Variants in KCNIP4 observed in about 807,000 individuals in gnomAD.
The protein encoded by KCNIP4 is Kv channel-interacting protein 4.
A neutral mutation model predicts 34.0 loss-of-function variants in KCNIP4; 12 were observed. That is an observed-to-expected ratio of 0.35 (90% CI 0.23 to 0.57). The LOEUF is 0.57. Among genes scored for constraint, KCNIP4 ranks in the 20% least tolerant of loss-of-function variants. The pLI is 0.83. For missense variants in KCNIP4, 238 were observed against 311.7 expected (o/e 0.76, Z 1.78); for synonymous variants, 124 against 102.2 (o/e 1.21, Z -1.29).
chr4:21,748,134 T>G (rs1416121726), intron 1 of KCNIP4, among the ~76,000 whole-genome samples: 1 of 152,168 alleles, frequency 6.6e-6, no homozygotes. Flanking sequence ...GATGATTTGT[T>G]ATGACAGCCC....
intron 1 of KCNIP4, among the ~76,000 whole-genome samples, chr4:21,742,059 AAAAC>A (rs1716444136): frequency 6.6e-6 from 1 of 152,098 alleles, no homozygotes; most frequent in Non-Finnish European, 1.5e-5. Context: ...CAAACAAACA[AAAAC>A]AAACAAAAAA....
At chr4:20,865,658 A>T (rs938286834) in intron 2 of KCNIP4, among the ~76,000 whole-genome samples, 1 of 152,116 alleles carries the variant, frequency 6.6e-6, no homozygotes, top group Non-Finnish European at 1.5e-5. Flanking sequence ...ACCTAAAAAA[A>T]TGTTGAATAC....
At chr4:21,060,833 A>G (rs1743852007) in intron 1 of KCNIP4, among the ~76,000 whole-genome samples, 1 of 152,198 alleles carries the variant, frequency 6.6e-6, no homozygotes, top group African/African-American at 2.4e-5. Flanking sequence ...TTTAGACTTT[A>G]CAAGCATGAG....
intron 1 of KCNIP4, among the ~76,000 whole-genome samples, chr4:21,130,696 G>A (rs569835880): frequency 1.3e-5 from 2 of 152,254 alleles, no homozygotes; most frequent in South Asian, 2.1e-4. Flanking sequence ...TGTCCTGGCT[G>A]TGCTGTTTAC....
intron 3 of KCNIP4, among the ~76,000 whole-genome samples, chr4:20,843,839 C>A (rs921250799): frequency 6.6e-6 from 1 of 152,168 alleles, no homozygotes; most frequent in Non-Finnish European, 1.5e-5. Context: ...GTGATTTTTG[C>A]CATTGAAAGT....
At chr4:21,798,715 T>C (rs2109248550) in intron 1 of KCNIP4, among the ~76,000 whole-genome samples, 1 of 152,108 alleles carries the variant, frequency 6.6e-6, no homozygotes. Flanking sequence ...CTTTCAATGC[T>C]AGATTTCAGC....
At chr4:20,864,109 TATAC>T (rs1722546615) in intron 2 of KCNIP4, among the ~76,000 whole-genome samples, 16 of 144,058 alleles carry the variant, frequency 1.1e-4, no homozygotes, top group Non-Finnish European at 2.5e-4. Context: ...CGTATGTATG[TATAC>T]ATATCCATGT....
chr4:21,186,232 GC>G (rs140849079), intron 1 of KCNIP4, among the ~76,000 whole-genome samples: 13,798 of 152,086 alleles, frequency 0.091, 714 homozygotes, highest in East Asian at 0.19. Flanking sequence ...GAAGACTACA[GC>G]CAAATTGTCA....
chr4:21,493,929 A>G (rs1441732522), intron 1 of KCNIP4, among the ~76,000 whole-genome samples: 1 of 152,244 alleles, frequency 6.6e-6, no homozygotes, highest in African/African-American at 2.4e-5. Flanking sequence ...AAATATAAAG[A>G]TAATAGAGAA....
chr4:21,357,276 A>T (rs1218777065), intron 1 of KCNIP4, among the ~76,000 whole-genome samples: 1 of 152,176 alleles, frequency 6.6e-6, no homozygotes, highest in Non-Finnish European at 1.5e-5. Flanking sequence ...CATGACTAAA[A>T]CACCAAAAGC....
intron 1 of KCNIP4, among the ~76,000 whole-genome samples, chr4:21,924,377 G>T (rs1240233858): frequency 6.6e-6 from 1 of 151,434 alleles, no homozygotes; most frequent in Non-Finnish European, 1.5e-5. Flanking sequence ...CCAAGTAGCT[G>T]GGACTACAGG....
At chr4:21,342,840 T>C (rs1716897872) in intron 1 of KCNIP4, among the ~76,000 whole-genome samples, 1 of 152,094 alleles carries the variant, frequency 6.6e-6, no homozygotes, top group African/African-American at 2.4e-5. Flanking sequence ...CCTCCCTAAA[T>C]GTCAATACTC....
At chr4:20,814,127 G>A (rs758666864) in intron 3 of KCNIP4, among the ~76,000 whole-genome samples, 49 of 152,276 alleles carry the variant, frequency 3.2e-4, no homozygotes, top group Middle Eastern at 3.4e-3. Context: ...GTCCCACAGC[G>A]TCAGTGTCTT....
At chr4:20,763,720 T>C (rs1196736914) in intron 3 of KCNIP4, among the ~76,000 whole-genome samples, 4 of 152,082 alleles carry the variant, frequency 2.6e-5, no homozygotes, top group Non-Finnish European at 5.9e-5. Flanking sequence ...GCTTTATTTA[T>C]TGATTTTTAT....
intron 1 of KCNIP4, among the ~76,000 whole-genome samples, chr4:21,819,606 A>G (rs10805229): frequency 0.48 from 72,495 of 152,068 alleles, 18,180 homozygotes; most frequent in East Asian, 0.65. Context: ...TATTAAATGA[A>G]AAAAAGAAGA....
intron 1 of KCNIP4, among the ~76,000 whole-genome samples, chr4:21,552,978 A>G (rs780711734): frequency 8.5e-5 from 13 of 152,096 alleles, no homozygotes; most frequent in Non-Finnish European, 1.9e-4. Context: ...CAGAAGAGAA[A>G]GCAGCAAAAA....
At chr4:21,190,367 G>A (rs1364841) in intron 1 of KCNIP4, among the ~76,000 whole-genome samples, 116,517 of 151,456 alleles carry the variant, frequency 0.77, 44,865 homozygotes, top group Admixed American at 0.83. Context: ...TTGGTTCGTT[G>A]GTATTTGGTT....
intron 1 of KCNIP4, among the ~76,000 whole-genome samples, chr4:21,350,074 ATAAT>A (rs764446983): frequency 1.3e-5 from 2 of 152,170 alleles, no homozygotes; most frequent in Non-Finnish European, 2.9e-5. Flanking sequence ...AATTAGAGAA[ATAAT>A]TACTCTAATT....
At chr4:20,941,926 A>T (rs1731680707) in intron 1 of KCNIP4, among the ~76,000 whole-genome samples, 1 of 152,198 alleles carries the variant, frequency 6.6e-6, no homozygotes, top group Non-Finnish European at 1.5e-5. Context: ...GCAGATTTGA[A>T]AACAACACCA....
Sources: gnomAD v4.1 joint callset for allele counts (sites outside exome capture counted in the v4.1 genomes callset) on GRCh38, gnomAD v4.1.1 for gene constraint, MANE v1.5 for transcripts, NCBI Gene and HGNC (gene_info 2026-07-23, HGNC 2026-07-21) for gene names.